AGL: variants seen among roughly 807,000 people sequenced by gnomAD.
AGL encodes amylo-alpha-1,6-glucosidase and 4-alpha-glucanotransferase.
AGL carries 128 observed loss-of-function variants against 199.3 expected under a neutral mutation model. The ratio of observed to expected loss-of-function variants is 0.64; its 90% CI spans 0.56 to 0.74. AGL has a LOEUF of 0.74. AGL is among the 30% of genes least tolerant of loss of function. The pLI, the probability that AGL is intolerant of heterozygous loss-of-function variation, is 0.00. For missense variants in AGL, 1,809 were observed against 1,820.8 expected (o/e 0.99, Z 0.12); for synonymous variants, 584 against 594.7 (o/e 0.98, Z 0.26).
intron 2 of AGL, chr1:99,852,556 T>TTTTTAGAAACTGG: frequency 3.4e-6 from 2 of 588,774 alleles, no homozygotes; most frequent in South Asian, 2.1e-5. Flanking sequence ...TTTTTTTTTT[T>TTTTTAGAAACTGG]GTAGAAACTG....
Position 99,921,598 on chromosome 1 carries a change from G to GA in AGL, c.4549dup (p.Thr1517AsnfsTer11). On this transcript the variant is annotated frameshift_variant, in exon 34 of 34. Transcript: ENST00000361915. LOFTEE classifies it high-confidence loss of function. ...TGCCCAGTACTGTCCTTTCAGCTGT[G>GA]AAACACAAGCCTGGTCAATTGCTAC... is the stretch of plus-strand genomic sequence containing the variant. 6.2e-7 allele frequency: 1 copy of GA among 1,613,142 alleles called. No individual in the cohort carries two copies. The highest frequency in any genetic ancestry group is 8.5e-7 in the Non-Finnish European group (1 of 1,179,440).
chr1:99,907,693 G>GTTTTTTTTTTTTTTTTTTTTTTGTTT (rs71075465), intron 27 of AGL, among the ~76,000 whole-genome samples: 1 of 118,944 alleles, frequency 8.4e-6, no homozygotes, highest in African/African-American at 3.0e-5. Context: ...TTTGTTTTTT[G>GTTTTTTTTTTTTTTTTTTTTTTGTTT]TTTTTTTTGC....
At chr1:99,901,759 A>AT (rs538372461) in intron 26 of AGL, among the ~76,000 whole-genome samples, 38 of 130,814 alleles carry the variant, frequency 2.9e-4, no homozygotes, top group African/African-American at 1.1e-3. Flanking sequence ...GTTATATATG[A>AT]TTGGGGGGGC....
At chr1:99,876,436 A>G (rs775298423) in intron 10 of AGL, 22 bp from the exon 11 acceptor site, 1 of 1,501,602 alleles carries the variant, frequency 6.7e-7, no homozygotes, top group South Asian at 1.2e-5. Context: ...TATGGATTTA[A>G]TATTTAATTA....
chr1:99,884,921 A>T (rs1652338627), intron 20 of AGL, among the ~76,000 whole-genome samples: 1 of 152,226 alleles, frequency 6.6e-6, no homozygotes, highest in African/African-American at 2.4e-5. Context: ...ATAGATACAC[A>T]CATGCCTACA....
intron 30 of AGL, among the ~76,000 whole-genome samples, chr1:99,915,102 G>C (rs917645530): frequency 6.6e-6 from 1 of 152,096 alleles, no homozygotes; most frequent in African/African-American, 2.4e-5. Flanking sequence ...ATAAAAGTGT[G>C]TTCTGCCTTC....
chr1:99,866,264 A>G (rs1650501896), intron 5 of AGL, among the ~76,000 whole-genome samples: 1 of 152,232 alleles, frequency 6.6e-6, no homozygotes, highest in African/African-American at 2.4e-5. Flanking sequence ...GCTATAACAG[A>G]AAAACATAGG....
Position 99,923,631 on chromosome 1 carries a change from A to G in AGL, c.*1980A>G, listed in dbSNP as rs1358393942. 1 of 152,230 alleles carries G rather than the reference A, an allele frequency of 6.6e-6. No individual in the cohort carries two copies. Among genetic ancestry groups the G allele is most frequent in the Non-Finnish European group, 1.5e-5 (1 of 68,042 alleles). The allele number at this position is 152,230 out of a possible 1,614,324, so 9.4% of individuals were successfully genotyped here. A position where few individuals can be genotyped will look rare whatever the true frequency, so the allele number is the denominator to read the frequency against. ...GGTATATTTTAAAGTTTAAGAAGGC[A>G]TGTTAAACATTATTTCCTCTATGGT... is the stretch of plus-strand genomic sequence containing the variant. On this transcript the variant is annotated 3_prime_UTR_variant, in exon 34 of 34. Transcript: ENST00000361915.
At chr1:99,912,256 T>G in intron 28 of AGL, 149 bp from the exon 29 acceptor site, 3 of 590,544 alleles carry the variant, frequency 5.1e-6, no homozygotes, top group Non-Finnish European at 5.7e-6. Context: ...AATCTTTACA[T>G]GATATAGTAC....
rs753752522 is a variant in AGL at position 99,912,258 on chromosome 1, A to G, written c.3837-147A>G. ...CGTGAGAGGAAAAAATCTTTACATGATATAGTACACATTCCTATAGAGTAA... is the reference window on the plus strand; with the variant it reads ...CGTGAGAGGAAAAAATCTTTACATGGTATAGTACACATTCCTATAGAGTAA... On this transcript the variant is annotated intron_variant, in intron 28 of 33. Coordinates refer to ENST00000361915, the MANE Select transcript of AGL (RefSeq NM_000642.3). 77 of 650,476 alleles carry G rather than the reference A, an allele frequency of 1.2e-4. 1 individual carries two copies. The highest frequency in any genetic ancestry group is 1.8e-4 in the Non-Finnish European group (70 of 383,708). The allele number at this position is 650,476 out of a possible 1,614,324, so 40.3% of individuals were successfully genotyped here.
chr1:99,892,650 A>G, intron 24 of AGL, 43 bp downstream of exon 24: 1 of 1,575,602 alleles, frequency 6.3e-7, no homozygotes, highest in Non-Finnish European at 8.7e-7. Flanking sequence ...AATCGATAGT[A>G]TTCGCGGAAG....
chr1:99,892,418 C>G lies in AGL; in HGVS notation c.3084-14C>G, dbSNP rs1652967198. Reference sequence around the variant, plus strand: ...TATTTCTACAAGTAATAAATTCAATCACTTTTGTTACAGCTTTGTTCAGAA... The same window carrying G: ...TATTTCTACAAGTAATAAATTCAATGACTTTTGTTACAGCTTTGTTCAGAA... On this transcript the variant is annotated splice_polypyrimidine_tract_variant and intron_variant, in intron 23 of 33. Coordinates refer to ENST00000361915, the MANE Select transcript of AGL (RefSeq NM_000642.3). 1.2e-6 allele frequency: 2 copies of G among 1,610,670 alleles called. No homozygotes were observed. Among genetic ancestry groups the G allele is most frequent in the Admixed American group, 3.3e-5 (2 of 59,880 alleles).
intron 2 of AGL, chr1:99,861,216 AG>A (rs1650005530): frequency 7.9e-7 from 1 of 1,273,130 alleles, no homozygotes; most frequent in African/African-American, 1.5e-5. Flanking sequence ...GGGTTGTATA[AG>A]AATTTGCACA....
At position 99,881,163 on chromosome 1, in the gene AGL, T is replaced by G; in HGVS notation, c.1987T>G (p.Leu663Val). ...ASGSTRGYDE[L>V]VPHQISVVSE... is the part of the protein sequence containing the mutation. ...TGGAAGTACAAGAGGCTATGATGAA[T>G]TAGTGCCTCATCAGGTTTGTTTATA... The change falls in exon 15 of 34, where the codon TTA becomes GTA. Residue 663 changes from leucine to valine, a missense_variant. Transcript: ENST00000361915. 6.2e-7 allele frequency: 1 copy of G among 1,613,798 alleles called. No individual in the cohort carries two copies. The highest frequency in any genetic ancestry group is 8.5e-7 in the Non-Finnish European group (1 of 1,179,720).
At chr1:99,879,610 G>C (rs921322856) in intron 12 of AGL, among the ~76,000 whole-genome samples, 5 of 146,350 alleles carry the variant, frequency 3.4e-5, no homozygotes, top group African/African-American at 1.2e-4. Flanking sequence ...AAATAAATAA[G>C]CAAACAAAAA....
Position 99,902,666 on chromosome 1 carries a change from C to A in AGL, c.3589-17C>A. On this transcript the variant is annotated splice_polypyrimidine_tract_variant and intron_variant, in intron 26 of 33. Transcript: ENST00000361915. The stretch of plus-strand genomic sequence containing the variant: ...TGTAATTTCTAACAGAGGTAACACC[C>A]ATTATGTCTCAAACAGGATCAGCCA... 6.4e-7 allele frequency: 1 copy of A among 1,572,268 alleles called. No homozygotes were observed. The highest frequency in any genetic ancestry group is 1.1e-5 in the South Asian group (1 of 90,156).
At chr1:99,881,828 G>T in intron 17 of AGL, 137 bp downstream of exon 17, 1 of 914,942 alleles carries the variant, frequency 1.1e-6, no homozygotes, top group South Asian at 2.3e-5. Context: ...TTGAGAAAAA[G>T]AATTTAAACT....
intron 26 of AGL, 31 bp downstream of exon 26, chr1:99,900,892 T>C: frequency 3.5e-6 from 1 of 284,230 alleles, no homozygotes; most frequent in South Asian, 4.1e-5. Flanking sequence ...GTTTTTTTGT[T>C]TTTTTTTTTT....
chr1:99,890,694 A>T (rs918158821), intron 21 of AGL, among the ~76,000 whole-genome samples: 2 of 151,994 alleles, frequency 1.3e-5, no homozygotes, highest in African/African-American at 4.8e-5. Context: ...CTTAGTTCTA[A>T]GTACCTCCTG....
Sources: allele counts gnomAD v4.1 joint callset (sites outside exome capture counted in the v4.1 genomes callset), GRCh38; gene constraint gnomAD v4.1.1; transcripts MANE v1.5; gene names NCBI Gene and HGNC (gene_info 2026-07-23, HGNC 2026-07-21).